The following OPHN1 variants were observed in gnomAD, a reference collection of about 807,000 sequenced individuals.
OPHN1 encodes oligophrenin 1, also known as oligophrenin-1.
In OPHN1, 11 loss-of-function variants were observed where a neutral mutation model predicts 60.7. The observed-to-expected ratio is 0.18, with a 90% confidence interval of 0.11 to 0.30. OPHN1 has a LOEUF of 0.30. Among genes scored for constraint, OPHN1 ranks in the 10% least tolerant of loss-of-function variants. The pLI is 1.00. For missense variants in OPHN1, 449 were observed against 611.0 expected (o/e 0.73, Z 2.80); for synonymous variants, 226 against 222.6 (o/e 1.02, Z -0.14).
At chrX:68,354,842 T>C (rs1461492798) in intron 2 of OPHN1, among the ~76,000 whole-genome samples, 1 of 111,642 alleles carries the variant, frequency 9.0e-6, no homozygotes, top group Non-Finnish European at 1.9e-5. Context: ...TACCTCCCAC[T>C]ACCTCTGTGA....
intron 2 of OPHN1, among the ~76,000 whole-genome samples, chrX:68,425,614 A>T (rs977422399): frequency 1.8e-5 from 2 of 111,024 alleles, no homozygotes; most frequent in Non-Finnish European, 3.8e-5. Context: ...AGGTGACCTT[A>T]ATGTAAACAT....
At chrX:68,396,524 G>A (rs1169706481) in intron 2 of OPHN1, among the ~76,000 whole-genome samples, 1 of 108,415 alleles carries the variant, frequency 9.2e-6, no homozygotes, top group Non-Finnish European at 1.9e-5. Flanking sequence ...CTCTGAATAC[G>A]AATGAGTTGG....
At chrX:68,240,792 G>T (rs1227855752) in intron 5 of OPHN1, among the ~76,000 whole-genome samples, 1 of 110,710 alleles carries the variant, frequency 9.0e-6, no homozygotes, top group East Asian at 2.9e-4. Flanking sequence ...AGGTTTTGTT[G>T]TTGTTATCAA....
intron 6 of OPHN1, among the ~76,000 whole-genome samples, chrX:68,227,865 C>T (rs2077704278): frequency 1.8e-5 from 2 of 110,305 alleles, no homozygotes; most frequent in South Asian, 7.7e-4. Flanking sequence ...CAAGAGCAAA[C>T]ACATTCAAAA....
chrX:68,113,792 C>T (rs1385622532), intron 16 of OPHN1, among the ~76,000 whole-genome samples: 5 of 77,220 alleles, frequency 6.5e-5, no homozygotes, highest in Admixed American at 2.0e-4. Context: ...GGAAGGGGAA[C>T]ATCACACTCT....
At chrX:68,256,113 G>T (rs758831169) in intron 5 of OPHN1, among the ~76,000 whole-genome samples, 1 of 111,484 alleles carries the variant, frequency 9.0e-6, no homozygotes, top group Admixed American at 9.5e-5. Flanking sequence ...GGTCCAGCTT[G>T]AGGAGGTAGT....
intron 21 of OPHN1, among the ~76,000 whole-genome samples, chrX:68,062,533 C>A (rs908814954): frequency 8.9e-6 from 1 of 112,235 alleles, no homozygotes; most frequent in Admixed American, 9.4e-5. Context: ...CCAATCGGGT[C>A]CACAGGCCAT....
chrX:68,178,139 C>A (rs1406934771), intron 15 of OPHN1, among the ~76,000 whole-genome samples: 2 of 111,645 alleles, frequency 1.8e-5, no homozygotes, highest in Non-Finnish European at 3.8e-5. Context: ...TTTGCCTAGT[C>A]TGTGAACATG....
At chrX:68,195,063 GAAGA>G (rs370870291) in intron 12 of OPHN1, among the ~76,000 whole-genome samples, 19 of 92,207 alleles carry the variant, frequency 2.1e-4, no homozygotes, top group Admixed American at 5.7e-4. Context: ...AGGAAGGAAG[GAAGA>G]AAGAAAGAAA....
At chrX:68,063,669 C>A in intron 21 of OPHN1, among the ~76,000 whole-genome samples, 185 bp downstream of exon 21, 1 of 112,346 alleles carries the variant, frequency 8.9e-6, no homozygotes. Flanking sequence ...AAATCCCGGC[C>A]CTCATGGAGC....
At chrX:68,201,867 T>A (rs2077536810) in intron 10 of OPHN1, among the ~76,000 whole-genome samples, 157 bp from the exon 11 acceptor site, 1 of 111,928 alleles carries the variant, frequency 8.9e-6, no homozygotes, top group African/African-American at 3.2e-5. Flanking sequence ...TCAAACAGTA[T>A]TTGCAGCAAG....
At chrX:68,312,076 C>T (rs2078176143) in intron 2 of OPHN1, among the ~76,000 whole-genome samples, 1 of 105,635 alleles carries the variant, frequency 9.5e-6, no homozygotes, top group Non-Finnish European at 1.9e-5. Context: ...CAGGAAAATT[C>T]ACAAACACAT....
intron 2 of OPHN1, among the ~76,000 whole-genome samples, chrX:68,311,840 A>G (rs965757165): frequency 9.0e-6 from 1 of 111,703 alleles, no homozygotes; most frequent in Non-Finnish European, 1.9e-5. Flanking sequence ...GAATTTGTGT[A>G]CTTGAACAAC....
intron 3 of OPHN1, among the ~76,000 whole-genome samples, chrX:68,284,931 T>C (rs1178386362): frequency 8.9e-6 from 1 of 112,121 alleles, no homozygotes; most frequent in African/African-American, 3.2e-5. Flanking sequence ...TCTATCCAAA[T>C]CAAAGAGAAA....
At chrX:68,228,797 C>A (rs180953548) in intron 6 of OPHN1, among the ~76,000 whole-genome samples, 3 of 110,942 alleles carry the variant, frequency 2.7e-5, no homozygotes, top group African/African-American at 9.8e-5. Flanking sequence ...AAACCCACAG[C>A]CAATATCTCA....
At chrX:68,211,980 T>G (rs183641637) in intron 8 of OPHN1, 128 bp downstream of exon 8, 5 of 521,306 alleles carry the variant, frequency 9.6e-6, no homozygotes, top group Non-Finnish European at 1.7e-5. Context: ...ATATTTGTGA[T>G]CCACACCAGT....
intron 19 of OPHN1, among the ~76,000 whole-genome samples, chrX:68,088,469 C>T (rs142363350): frequency 0.013 from 1,398 of 111,483 alleles, 10 homozygotes; most frequent in Non-Finnish European, 0.021. Context: ...ACTTAAGATG[C>T]GTTTAGGTTG....
chrX:68,430,739 G>A (rs919780282), intron 2 of OPHN1, among the ~76,000 whole-genome samples: 3 of 110,343 alleles, frequency 2.7e-5, no homozygotes, highest in Non-Finnish European at 3.8e-5. Context: ...CAGGAGGATC[G>A]CTTGAAACCA....
chrX:68,160,499 T>C (rs1188835936), intron 15 of OPHN1, among the ~76,000 whole-genome samples: 2 of 111,203 alleles, frequency 1.8e-5, no homozygotes, highest in Non-Finnish European at 3.8e-5. Context: ...AAATACACAT[T>C]GAACATATTC....
Sources: allele counts gnomAD v4.1 joint callset (sites outside exome capture counted in the v4.1 genomes callset), GRCh38; gene constraint gnomAD v4.1.1; transcripts MANE v1.5; gene names NCBI Gene and HGNC (gene_info 2026-07-23, HGNC 2026-07-21).